Variants in PIEZO2 observed in about 807,000 individuals in gnomAD.
The protein encoded by PIEZO2 is piezo type mechanosensitive ion channel component 2.
PIEZO2 carries 172 observed loss-of-function variants against 337.3 expected under a neutral mutation model. The observed-to-expected ratio is 0.51, with a 90% CI of 0.45 to 0.58. The LOEUF is 0.58. PIEZO2 is among the 20% of genes least tolerant of loss of function. The pLI is 0.00. For missense variants in PIEZO2, 3,028 were observed against 3,391.3 expected, an observed-to-expected ratio of 0.89 and a Z score of 2.66; for synonymous variants, 1,251 against 1,228.5, an observed-to-expected ratio of 1.02 and a Z score of -0.38.
chr18:10,683,639 A>G lies in PIEZO2; in HGVS notation c.7498-1347T>C, dbSNP rs568363401. Among the ~76,000 whole-genome samples, 4 of 152,362 alleles carry G rather than the reference A, an allele frequency of 2.6e-5. No individual in the cohort carries two copies. The South Asian group carries it at 8.3e-4, about 32-fold the overall frequency. ...AAATCTGAAATATATATTCACAAAT[A>G]TATATACACACATACATGCTTCCAC... On this transcript the variant is annotated intron_variant, in intron 49 of 55. Transcript: ENST00000674853.
Position 10,954,297 on chromosome 18 carries a change from T to C in PIEZO2, c.286+25238A>G, listed in dbSNP as rs913600060. On this transcript the variant is annotated intron_variant, in intron 3 of 55. Transcript: ENST00000674853. The surrounding 1 kb of genome is among the most constrained non-coding windows in gnomAD (Gnocchi z 4.2). ...AAGGACATTTTAACAACAGTGAGTCTTCCAATCCATGAACACAATGTATCT... is the reference window on the plus strand; with the variant it reads ...AAGGACATTTTAACAACAGTGAGTCCTCCAATCCATGAACACAATGTATCT... 4.6e-5 allele frequency among the ~76,000 whole-genome samples: 7 copies of C among 152,240 alleles called. No homozygotes were observed. The highest frequency in any genetic ancestry group is 1.4e-4 in the African/African-American group (6 of 41,458).
rs1469268959 is a variant in PIEZO2 at position 10,795,981 on chromosome 18, AT to A, written c.1528-980del. 6.6e-6 allele frequency among the ~76,000 whole-genome samples: 1 copy of A among 152,124 alleles called. No homozygotes were observed. Among genetic ancestry groups the A allele is most frequent in the Non-Finnish European group, 1.5e-5 (1 of 68,024 alleles). On this transcript the variant is annotated intron_variant, in intron 12 of 55. Transcript: ENST00000674853. This position sits in a 1 kb window ranked among gnomAD's most constrained non-coding sequence, Gnocchi z 4.4. ...CTGTTTTGAAGGTGTGATGTTGCAG[AT>A]GGTGAGTAGAAACACACATAAACTG...
chr18:11,056,087 A>T (rs1241680496), intron 2 of PIEZO2, among the ~76,000 whole-genome samples: 1 of 152,128 alleles, frequency 6.6e-6, no homozygotes, highest in Non-Finnish European at 1.5e-5. Flanking sequence ...AGAGAGACAG[A>T]TCAGATTGTC....
rs1231155495 is a variant in PIEZO2, at chr18:11,070,072, G to T, written c.65-3850C>A. On this transcript the variant is annotated intron_variant, in intron 1 of 55. Transcript: ENST00000674853. The surrounding 1 kb of genome is among the most constrained non-coding windows in gnomAD (Gnocchi z 4.3). ...AGCAATATGCTCTGAGAAATGCATTGTTAGGTAGTTTTGTCCTTGTGGGAA... is the reference window on the plus strand; with the variant it reads ...AGCAATATGCTCTGAGAAATGCATTTTTAGGTAGTTTTGTCCTTGTGGGAA... Among the ~76,000 whole-genome samples, 1 of 152,146 alleles carries T rather than the reference G, an allele frequency of 6.6e-6. No individual in the cohort carries two copies. The highest frequency in any genetic ancestry group is 1.5e-5 in the Non-Finnish European group (1 of 68,024).
rs111770974 is a variant in PIEZO2, at chr18:11,058,997, A to C, written c.160+7130T>G. On this transcript the variant is annotated intron_variant, in intron 2 of 55. Transcript: ENST00000674853. ...AAATGAAGGAAAAAATGTAAAGGGC[A>C]GCCAGAGAGAAAGGTTGGGTTACCC... 1.9e-3 allele frequency among the ~76,000 whole-genome samples: 288 copies of C among 152,378 alleles called. 1 individual carries two copies. Among genetic ancestry groups the C allele is most frequent in the African/African-American group, 6.2e-3 (258 of 41,588 alleles).
chr18:10,672,764 G>T lies in PIEZO2; in HGVS notation c.8271C>A (p.Asn2757Lys), dbSNP rs2033835215. Residue 2757 changes from asparagine (N) to lysine (K), a missense_variant, in exon 55 of 56, where the codon AAC becomes AAA. Coordinates refer to ENST00000674853, the MANE Select transcript of PIEZO2 (RefSeq NM_001378183.1). This position sits in a 1 kb window ranked among gnomAD's most constrained non-coding sequence, Gnocchi z 4.7. Reference protein sequence around the residue: ...NLTGNRIYNPNSQALELVVFN... With the variant: ...NLTGNRIYNPKSQALELVVFN... ...AGACCACCAGTTCCAGGGCCTGAGA[G>T]TTCGGATTGTATATTCTGTTTCCAG... The T allele has an allele frequency of 1.9e-6, 3 of 1,614,106 alleles. No homozygotes were observed. The highest frequency in any genetic ancestry group is 2.2e-5 in the East Asian group (1 of 44,884).
In PIEZO2 at chr18:10,682,304, A is replaced by G; in HGVS notation, c.7498-12T>C. ...GGCTGAGGGTATCTCTGCAACAGAGAGTTCAGACAAGGCTCAGGCTCAGGC... is the reference window on the plus strand; with the variant it reads ...GGCTGAGGGTATCTCTGCAACAGAGGGTTCAGACAAGGCTCAGGCTCAGGC... On this transcript the variant is annotated splice_polypyrimidine_tract_variant and intron_variant, in intron 49 of 55. Transcript: ENST00000674853. This position sits in a 1 kb window ranked among gnomAD's most constrained non-coding sequence, Gnocchi z 5.6. The G allele has an allele frequency of 1.3e-6, 2 of 1,529,578 alleles. No individual in the cohort carries two copies. Among genetic ancestry groups the G allele is most frequent in the Middle Eastern group, 1.7e-4 (1 of 5,876 alleles). 94.8% of individuals were successfully genotyped at this position (1,529,578 alleles called of 1,614,324 possible).
chr18:10,927,731 A>G (rs762255695), intron 3 of PIEZO2, among the ~76,000 whole-genome samples: 20 of 152,314 alleles, frequency 1.3e-4, no homozygotes, highest in Middle Eastern at 3.4e-3. Context: ...GTTCTTAGAC[A>G]AACTACAGAA....
chr18:10,758,157 A>C (rs1598439762), intron 26 of PIEZO2, 23 bp from the exon 27 acceptor site: 4 of 1,534,696 alleles, frequency 2.6e-6, no homozygotes, highest in Non-Finnish European at 3.5e-6. Flanking sequence ...AGGTGAGATC[A>C]TTAAGCCGCC....
In PIEZO2 at chr18:11,128,237, C is replaced by T. The variant is rs2040240860; in HGVS notation, c.64+20288G>A. ...ACTCAGGGATTCTGTCTCCAGGCTT[C>T]AGAAGCACATACTGAGCCTCAAATC... is the stretch of plus-strand genomic sequence containing the variant. On this transcript the variant is annotated intron_variant, in intron 1 of 55. Coordinates refer to ENST00000674853, the MANE Select transcript of PIEZO2 (RefSeq NM_001378183.1). The surrounding 1 kb of genome is among the most constrained non-coding windows in gnomAD (Gnocchi z 4.1). Among the ~76,000 whole-genome samples the T allele has an allele frequency of 6.6e-6, 1 of 152,126 alleles. No individual in the cohort carries two copies. Among genetic ancestry groups the T allele is most frequent in the African/African-American group, 2.4e-5 (1 of 41,414 alleles).
chr18:10,955,006 G>A (rs1186440758), intron 3 of PIEZO2, among the ~76,000 whole-genome samples: 1 of 152,152 alleles, frequency 6.6e-6, no homozygotes, highest in African/African-American at 2.4e-5. Context: ...GGGAAAAGGA[G>A]GAGGAAGTAG....
chr18:11,122,029 C>A lies in PIEZO2; in HGVS notation c.64+26496G>T, dbSNP rs529999007. Reference sequence around the variant, plus strand: ...AGTGCAGTGGCGCTATCTCGGCTCACTGCAAGCTCCGCCTCCCAGGTTCAT... The same window carrying A: ...AGTGCAGTGGCGCTATCTCGGCTCAATGCAAGCTCCGCCTCCCAGGTTCAT... On this transcript the variant is annotated intron_variant, in intron 1 of 55. Transcript: ENST00000674853. 1.3e-3 allele frequency among the ~76,000 whole-genome samples: 198 copies of A among 152,302 alleles called. 1 individual carries two copies. The Middle Eastern group carries it at 0.014, about 10-fold the overall frequency.
At position 10,850,370 on chromosome 18, in the gene PIEZO2, T is replaced by C. The variant is rs140110194; in HGVS notation, c.917+4983A>G. Among the ~76,000 whole-genome samples, 5 of 152,220 alleles carry C rather than the reference T, an allele frequency of 3.3e-5. No homozygotes were observed. Among genetic ancestry groups the C allele is most frequent in the Non-Finnish European group, 5.9e-5 (4 of 68,042 alleles). On this transcript the variant is annotated intron_variant, in intron 7 of 55. Transcript: ENST00000674853. The surrounding 1 kb of genome is among the most constrained non-coding windows in gnomAD (Gnocchi z 4.5). ...AGGGCATCGCAAACCGGTAAGCTAG[T>C]TAACATTATGTTGGCCTAGGACCTG...
At position 10,878,703 on chromosome 18, in the gene PIEZO2, T is replaced by C. The variant is rs1033183165; in HGVS notation, c.330-7288A>G. 6.6e-6 allele frequency among the ~76,000 whole-genome samples: 1 copy of C among 151,950 alleles called. No individual in the cohort carries two copies. The highest frequency in any genetic ancestry group is 2.4e-5 in the African/African-American group (1 of 41,358). ...AGACACTGTCTCTAAGCACAGAGTA[T>C]TGGTTGTGAAGTTATATATGAAGGA... On this transcript the variant is annotated intron_variant, in intron 4 of 55. Coordinates refer to ENST00000674853, the MANE Select transcript of PIEZO2 (RefSeq NM_001378183.1). This position sits in a 1 kb window ranked among gnomAD's most constrained non-coding sequence, Gnocchi z 4.3.
chr18:10,803,589 T>C (rs141304644), intron 9 of PIEZO2, among the ~76,000 whole-genome samples: 25 of 152,338 alleles, frequency 1.6e-4, no homozygotes, highest in Non-Finnish European at 1.3e-4. Flanking sequence ...GCTACTTTTG[T>C]TTGTTTTAAT....
In PIEZO2 at chr18:11,110,514, TCTGGGC is replaced by T. The variant is rs2039697887; in HGVS notation, c.64+38005_64+38010del. The stretch of plus-strand genomic sequence containing the variant: ...TCCACCTGTTTACCTGAGGTAAGTG[TCTGGGC>T]CTTTCCTCAAACAACAAAGACACAG... On this transcript the variant is annotated intron_variant, in intron 1 of 55. Transcript: ENST00000674853. This position sits in a 1 kb window ranked among gnomAD's most constrained non-coding sequence, Gnocchi z 4.2. 6.6e-6 allele frequency among the ~76,000 whole-genome samples: 1 copy of T among 152,150 alleles called. No individual in the cohort carries two copies. Among genetic ancestry groups the T allele is most frequent in the African/African-American group, 2.4e-5 (1 of 41,438 alleles).
intron 17 of PIEZO2, among the ~76,000 whole-genome samples, 177 bp from the exon 18 acceptor site, chr18:10,780,543 A>G (rs1293528909): frequency 6.6e-6 from 1 of 152,198 alleles, no homozygotes; most frequent in Non-Finnish European, 1.5e-5. Flanking sequence ...AAGATTCAGT[A>G]GCAACATTAA....
chr18:11,061,870 G>A (rs1422050586), intron 2 of PIEZO2, among the ~76,000 whole-genome samples: 1 of 152,130 alleles, frequency 6.6e-6, no homozygotes, highest in African/African-American at 2.4e-5. Context: ...TCCCCATCAA[G>A]CTACCAATGA....
chr18:10,796,734 G>C (rs2039612204), intron 12 of PIEZO2, among the ~76,000 whole-genome samples: 1 of 152,194 alleles, frequency 6.6e-6, no homozygotes, highest in Non-Finnish European at 1.5e-5. Flanking sequence ...TGAGAAGATA[G>C]CAGCACTTAG....
Sources: allele counts gnomAD v4.1 joint callset (sites outside exome capture counted in the v4.1 genomes callset), GRCh38; gene constraint gnomAD v4.1.1; non-coding constraint Gnocchi (gnomAD v3.1); transcripts MANE v1.5; gene names NCBI Gene and HGNC (gene_info 2026-07-23, HGNC 2026-07-21).